HPSE2: variants seen among roughly 807,000 people sequenced by gnomAD.
The protein encoded by HPSE2 is inactive heparanase-2.
HPSE2 carries 38 observed loss-of-function variants against 60.5 expected under a neutral mutation model. That is an observed-to-expected ratio of 0.63 (90% CI 0.48 to 0.82). The LOEUF is 0.82. Ranked by LOEUF, HPSE2 falls within the 40% of genes least tolerant of loss-of-function variation. The probability of loss-of-function intolerance (pLI) is 0.00; values close to 1 mark genes in which losing one functional copy is unlikely to be tolerated. For missense variants in HPSE2, 713 were observed against 740.4 expected (o/e 0.96, Z 0.43); for synonymous variants, 295 against 293.2 (o/e 1.01, Z -0.06).
At chr10:99,025,411 G>C (rs1297138888) in intron 3 of HPSE2, among the ~76,000 whole-genome samples, 1 of 152,102 alleles carries the variant, frequency 6.6e-6, no homozygotes, top group Admixed American at 6.6e-5. Flanking sequence ...AATGTTCATT[G>C]CAGCATTATT....
At chr10:98,602,280 C>T (rs1945450013) in intron 9 of HPSE2, among the ~76,000 whole-genome samples, 1 of 152,108 alleles carries the variant, frequency 6.6e-6, no homozygotes, top group South Asian at 2.1e-4. Flanking sequence ...GGATAGCAAG[C>T]CCTGTGATCC....
At chr10:98,778,655 T>A (rs1374778614) in intron 3 of HPSE2, among the ~76,000 whole-genome samples, 2 of 152,162 alleles carry the variant, frequency 1.3e-5, no homozygotes, top group African/African-American at 4.8e-5. Flanking sequence ...TCAAAATGGA[T>A]GCCGAGGCAA....
chr10:98,699,700 T>C (rs1274418734), intron 5 of HPSE2, among the ~76,000 whole-genome samples: 2 of 130,004 alleles, frequency 1.5e-5, no homozygotes, highest in Admixed American at 8.7e-5. Flanking sequence ...GGAAGTCAAA[T>C]TGTCCCTGTT....
chr10:99,165,578 G>A lies in HPSE2; in HGVS notation c.449-21179C>T, dbSNP rs968078818. The stretch of plus-strand genomic sequence containing the variant: ...TTATTTATTTTTGAGATGGAGTCTC[G>A]CTCTGTCACCCAGGCCGGAGTGCAG... On this transcript the variant is annotated intron_variant, in intron 2 of 11. Coordinates refer to ENST00000370552, the MANE Select transcript of HPSE2 (RefSeq NM_021828.5). 1.1e-4 allele frequency among the ~76,000 whole-genome samples: 17 copies of A among 147,998 alleles called. No individual in the cohort carries two copies. The East Asian group carries it at 2.2e-3, about 19-fold the overall frequency.
chr10:99,103,892 C>T (rs1258569497), intron 3 of HPSE2, among the ~76,000 whole-genome samples: 3 of 152,146 alleles, frequency 2.0e-5, no homozygotes, highest in Non-Finnish European at 4.4e-5. Context: ...GAAAGGGTTC[C>T]CTATTTAATC....
intron 3 of HPSE2, among the ~76,000 whole-genome samples, chr10:98,894,878 G>C (rs1208605047): frequency 6.6e-6 from 1 of 151,396 alleles, no homozygotes; most frequent in African/African-American, 2.4e-5. Context: ...CAGCCAGAGA[G>C]AAAAGAAAAA....
At chr10:98,605,426 A>C (rs1053512666) in intron 9 of HPSE2, among the ~76,000 whole-genome samples, 1 of 152,208 alleles carries the variant, frequency 6.6e-6, no homozygotes, top group African/African-American at 2.4e-5. Context: ...TGTATGTCAT[A>C]AGGTTCTCGA....
rs547624457 is a variant in HPSE2 at position 98,590,494 on chromosome 10, T to C, written c.1320+24410A>G. Among the ~76,000 whole-genome samples the C allele has an allele frequency of 4.4e-4, 67 of 152,252 alleles. 1 individual carries two copies. In the South Asian group the frequency reaches 7.9e-3, roughly 18 times the overall value. ...CTTGTTTAAATATCACCCTTTATTCTTTCATTTTCGGATTCTCTTTTTCAT... is the reference window on the plus strand; with the variant it reads ...CTTGTTTAAATATCACCCTTTATTCCTTCATTTTCGGATTCTCTTTTTCAT... On this transcript the variant is annotated intron_variant, in intron 9 of 11. Transcript: ENST00000370552.
chr10:98,675,077 C>T (rs1200788332), intron 6 of HPSE2, among the ~76,000 whole-genome samples: 2 of 152,160 alleles, frequency 1.3e-5, no homozygotes, highest in African/African-American at 4.8e-5. Flanking sequence ...ATGCTAGATG[C>T]TTTACATGCA....
At chr10:98,895,750 C>T (rs1953468855) in intron 3 of HPSE2, among the ~76,000 whole-genome samples, 1 of 151,012 alleles carries the variant, frequency 6.6e-6, no homozygotes, top group South Asian at 2.1e-4. Context: ...GAATACTATG[C>T]AGCCATAAAA....
At chr10:98,907,075 T>G (rs548183663) in intron 3 of HPSE2, among the ~76,000 whole-genome samples, 1 of 152,334 alleles carries the variant, frequency 6.6e-6, no homozygotes, top group African/African-American at 2.4e-5. Context: ...CCAATTATTA[T>G]GCCCATTTTA....
intron 3 of HPSE2, among the ~76,000 whole-genome samples, chr10:98,951,957 C>T (rs1324140511): frequency 6.6e-6 from 1 of 152,162 alleles, no homozygotes; most frequent in Non-Finnish European, 1.5e-5. Context: ...GGTAATGTGA[C>T]TTGCCTAAGT....
chr10:98,862,607 T>A (rs1952484685), intron 3 of HPSE2, among the ~76,000 whole-genome samples: 1 of 152,178 alleles, frequency 6.6e-6, no homozygotes, highest in South Asian at 2.1e-4. Context: ...CATGGAAGGA[T>A]ATACTAGGCT....
intron 3 of HPSE2, among the ~76,000 whole-genome samples, chr10:99,050,374 T>C (rs1304472038): frequency 6.6e-6 from 1 of 152,030 alleles, no homozygotes; most frequent in Admixed American, 6.6e-5. Context: ...GGAGCCTTTG[T>C]ACACTACTGG....
intron 3 of HPSE2, among the ~76,000 whole-genome samples, chr10:99,010,773 A>G (rs1452127740): frequency 6.6e-6 from 1 of 152,108 alleles, no homozygotes; most frequent in Admixed American, 6.5e-5. Context: ...TTAGTCAAAT[A>G]CTCGAGAATA....
chr10:98,461,863 T>A (rs1465481469), intron 11 of HPSE2: 1 of 1,379,268 alleles, frequency 7.3e-7, no homozygotes, highest in African/African-American at 1.4e-5. Context: ...CCTTTAAAAA[T>A]CTATACTAAT....
At chr10:99,098,888 C>T (rs992834649) in intron 3 of HPSE2, among the ~76,000 whole-genome samples, 9 of 152,122 alleles carry the variant, frequency 5.9e-5, no homozygotes, top group East Asian at 1.9e-4. Context: ...TAAACTAGTA[C>T]ATAAAGAGCA....
At chr10:98,915,952 A>G (rs1954109675) in intron 3 of HPSE2, among the ~76,000 whole-genome samples, 1 of 152,210 alleles carries the variant, frequency 6.6e-6, no homozygotes, top group Non-Finnish European at 1.5e-5. Flanking sequence ...CAAACTTTGT[A>G]TGACTTTTTT....
chr10:99,151,449 C>T (rs1184276010), intron 2 of HPSE2, among the ~76,000 whole-genome samples: 1 of 152,048 alleles, frequency 6.6e-6, no homozygotes, highest in Non-Finnish European at 1.5e-5. Context: ...TGACCAAAAA[C>T]ATTCAAAATT....
Sources: allele counts gnomAD v4.1 joint callset (sites outside exome capture counted in the v4.1 genomes callset), GRCh38; gene constraint gnomAD v4.1.1; transcripts MANE v1.5; gene names NCBI Gene and HGNC (gene_info 2026-07-23, HGNC 2026-07-21).